UQCC1: variants seen among roughly 807,000 people sequenced by gnomAD.
UQCC1 encodes ubiquinol-cytochrome c reductase complex assembly factor 1, also known as bFGF-repressed Zic-binding protein.
UQCC1 carries 38 observed loss-of-function variants against 48.0 expected under a neutral mutation model. The ratio of observed to expected loss-of-function variants is 0.79; its 90% CI spans 0.61 to 1.04. The LOEUF is 1.04. UQCC1 is among the 50% of genes least tolerant of loss of function. UQCC1 has a pLI of 0.00. For missense variants in UQCC1, 368 were observed against 381.8 expected (o/e 0.96, Z 0.30); for synonymous variants, 111 against 129.2 (o/e 0.86, Z 0.95).
At chr20:35,338,337 G>T (rs2061336000) in intron 7 of UQCC1, among the ~76,000 whole-genome samples, 1 of 152,182 alleles carries the variant, frequency 6.6e-6, no homozygotes, top group African/African-American at 2.4e-5. Flanking sequence ...GCAGTCCTTG[G>T]TAATAAGACA....
At chr20:35,348,303 G>C (rs969826467) in intron 6 of UQCC1, among the ~76,000 whole-genome samples, 1 of 152,152 alleles carries the variant, frequency 6.6e-6, no homozygotes, top group Admixed American at 6.5e-5. Context: ...ATTATATATA[G>C]GAATATAAGC....
intron 1 of UQCC1, among the ~76,000 whole-genome samples, chr20:35,396,348 G>A (rs142678910): frequency 4.3e-5 from 6 of 137,944 alleles, no homozygotes; most frequent in Non-Finnish European, 9.1e-5. Context: ...CTGGAGTCCA[G>A]TGCCTAGTCA....
chr20:35,375,200 A>G (rs1355203817), intron 4 of UQCC1, among the ~76,000 whole-genome samples: 1 of 152,188 alleles, frequency 6.6e-6, no homozygotes, highest in Non-Finnish European at 1.5e-5. Context: ...TAGCAACTGA[A>G]GAAAAACCAA....
chr20:35,303,702 C>T lies in UQCC1; in HGVS notation c.*233G>A, dbSNP rs1236517242. On this transcript the variant is annotated 3_prime_UTR_variant, in exon 10 of 10. Transcript: ENST00000374385. ...TGGGGGACTCTCACTCGGGGCTTCC[C>T]CTAAGGGAGAGGACACCCCGGGAGA... 2 of 571,274 alleles carry T rather than the reference C, an allele frequency of 3.5e-6. No homozygotes were observed. Among genetic ancestry groups the T allele is most frequent in the Admixed American group, 3.1e-5 (1 of 32,534 alleles). The allele number at this position is 571,274 out of a possible 1,614,324, so 35.4% of individuals were successfully genotyped here. A position where few individuals can be genotyped will look rare whatever the true frequency, so the allele number is the denominator to read the frequency against.
At chr20:35,335,312 C>T (rs889279081) in intron 7 of UQCC1, among the ~76,000 whole-genome samples, 5 of 152,082 alleles carry the variant, frequency 3.3e-5, no homozygotes, top group African/African-American at 1.2e-4. Context: ...TGAATGTTCA[C>T]AGAAGCATTA....
chr20:35,310,337 G>A (rs1396612787), intron 8 of UQCC1, among the ~76,000 whole-genome samples: 2 of 152,152 alleles, frequency 1.3e-5, no homozygotes, highest in Non-Finnish European at 2.9e-5. Context: ...TTCTGAAGAA[G>A]TAGGCCTTTA....
At chr20:35,384,264 C>T in intron 2 of UQCC1, 131 bp from the exon 3 acceptor site, 1 of 689,538 alleles carries the variant, frequency 1.5e-6, no homozygotes. Context: ...ATCAGCTCAC[C>T]AGGAAGACCC....
chr20:35,344,694 T>C (rs1051915785), intron 7 of UQCC1: 1 of 152,360 alleles, frequency 6.6e-6, no homozygotes, highest in African/African-American at 2.4e-5. Flanking sequence ...TCTGGGCAGC[T>C]GTGATATTGT....
At chr20:35,384,468 C>G (rs1404648559) in intron 2 of UQCC1, 1 of 334,440 alleles carries the variant, frequency 3.0e-6, no homozygotes, top group Non-Finnish European at 5.9e-6. Context: ...TAGCAAGACT[C>G]TATTTCTACA....
intron 1 of UQCC1, among the ~76,000 whole-genome samples, chr20:35,397,668 G>A (rs1295257889): frequency 6.6e-6 from 1 of 151,564 alleles, no homozygotes; most frequent in Non-Finnish European, 1.5e-5. Flanking sequence ...AAGTAATCTA[G>A]AGATTATTTA....
At chr20:35,321,250 A>C (rs2061121498) in intron 7 of UQCC1, among the ~76,000 whole-genome samples, 1 of 107,400 alleles carries the variant, frequency 9.3e-6, no homozygotes, top group Non-Finnish European at 1.8e-5. Context: ...ATACAAACAA[A>C]ACTGTGTGTG....
At chr20:35,404,713 A>G (rs1236125832) in intron 1 of UQCC1, among the ~76,000 whole-genome samples, 1 of 151,520 alleles carries the variant, frequency 6.6e-6, no homozygotes, top group African/African-American at 2.4e-5. Context: ...AAGAACTGGC[A>G]TTATTCAACC....
At chr20:35,371,904 G>A (rs2061737012) in intron 5 of UQCC1, among the ~76,000 whole-genome samples, 1 of 151,886 alleles carries the variant, frequency 6.6e-6, no homozygotes, top group African/African-American at 2.4e-5. Context: ...TAGTCCCAGC[G>A]ACTCAGGAGG....
chr20:35,303,599 C>A lies in UQCC1; in HGVS notation c.*336G>T. The A allele has an allele frequency of 3.7e-6, 1 of 273,198 alleles. No homozygotes were observed. The highest frequency in any genetic ancestry group is 7.2e-6 in the Non-Finnish European group (1 of 139,470). 16.9% of individuals were successfully genotyped at this position (273,198 alleles called of 1,614,324 possible). ...GCCCTGGGGGGTTTCCCTTTTGAAC[C>A]TACACCATCCCTTCCTTGGCCTTTG... On this transcript the variant is annotated 3_prime_UTR_variant, in exon 10 of 10. Coordinates refer to ENST00000374385, the MANE Select transcript of UQCC1 (RefSeq NM_018244.5).
At chr20:35,371,448 C>T (rs1190950630) in intron 5 of UQCC1, among the ~76,000 whole-genome samples, 1 of 151,448 alleles carries the variant, frequency 6.6e-6, no homozygotes, top group Non-Finnish European at 1.5e-5. Context: ...AGTGATTCTC[C>T]TGCCTTGGCC....
intron 7 of UQCC1, among the ~76,000 whole-genome samples, chr20:35,339,588 G>C (rs2061356003): frequency 6.6e-6 from 1 of 152,176 alleles, no homozygotes; most frequent in African/African-American, 2.4e-5. Flanking sequence ...CTTTTTTGGA[G>C]GGAAGGGGTA....
intron 1 of UQCC1, among the ~76,000 whole-genome samples, chr20:35,404,610 T>A (rs1005408612): frequency 2.7e-5 from 4 of 150,052 alleles, no homozygotes; most frequent in Admixed American, 1.3e-4. Flanking sequence ...GGCACATGTA[T>A]ACATATGTAA....
At chr20:35,383,733 C>T (rs918354089) in intron 3 of UQCC1, among the ~76,000 whole-genome samples, 1 of 152,098 alleles carries the variant, frequency 6.6e-6, no homozygotes, top group African/African-American at 2.4e-5. Flanking sequence ...GACTGTAAGT[C>T]TCAGCTATTC....
intron 6 of UQCC1, among the ~76,000 whole-genome samples, chr20:35,360,549 C>T (rs182982761): frequency 1.3e-5 from 2 of 152,250 alleles, no homozygotes; most frequent in South Asian, 2.1e-4. Flanking sequence ...TTCCCTCAAG[C>T]GATCATCCCC....
Sources: allele counts gnomAD v4.1 joint callset (sites outside exome capture counted in the v4.1 genomes callset), GRCh38; gene constraint gnomAD v4.1.1; transcripts MANE v1.5; gene names NCBI Gene and HGNC (gene_info 2026-07-23, HGNC 2026-07-21).